The following MAML3 variants were observed in gnomAD, a reference collection of about 807,000 sequenced individuals.
The protein encoded by MAML3 is mastermind like transcriptional coactivator 3, also known as mastermind-like protein 3.
MAML3 carries 27 observed loss-of-function variants against 101.9 expected under a neutral mutation model. That is an observed-to-expected ratio of 0.27 (90% CI 0.20 to 0.37). The LOEUF (loss-of-function observed/expected upper bound fraction) is 0.37, where lower values mean the gene tolerates loss of function less well. Ranked by LOEUF, MAML3 falls within the 10% of genes least tolerant of loss-of-function variation. The pLI, the probability that MAML3 is intolerant of heterozygous loss-of-function variation, is 1.00. For missense variants in MAML3, 1,316 were observed against 1,444.9 expected (o/e 0.91, Z 1.45); for synonymous variants, 501 against 555.9 (o/e 0.90, Z 1.39).
At chr4:139,865,091 A>G (rs1731872086) in intron 2 of MAML3, among the ~76,000 whole-genome samples, 1 of 152,148 alleles carries the variant, frequency 6.6e-6, no homozygotes, top group Admixed American at 6.5e-5. Context: ...TACCAAGCAT[A>G]TTTGGGCAAA....
intron 1 of MAML3, among the ~76,000 whole-genome samples, chr4:140,075,462 G>A (rs952650764): frequency 1.3e-5 from 2 of 152,132 alleles, no homozygotes; most frequent in Admixed American, 6.5e-5. Context: ...CTCATAGAGC[G>A]TTATAAAGAA....
chr4:139,822,961 C>G lies in MAML3; in HGVS notation c.2079+66396G>C, dbSNP rs115513358. 6.1e-3 allele frequency among the ~76,000 whole-genome samples: 924 copies of G among 152,302 alleles called. 12 individuals are homozygous for G. Among genetic ancestry groups the G allele is most frequent in the African/African-American group, 0.021 (858 of 41,554 alleles). ...CAGGCAGGGGCCTGGGGGTATTTATCTTGATCCTTCCTATTCAGCTGAAAT... is the reference window on the plus strand; with the variant it reads ...CAGGCAGGGGCCTGGGGGTATTTATGTTGATCCTTCCTATTCAGCTGAAAT... On this transcript the variant is annotated intron_variant, in intron 2 of 4. Transcript: ENST00000509479.
chr4:140,024,927 G>C (rs912586902), intron 1 of MAML3, among the ~76,000 whole-genome samples: 15 of 152,066 alleles, frequency 9.9e-5, no homozygotes, highest in Non-Finnish European at 2.1e-4. Context: ...AAAATATTCT[G>C]AAAAAAATCT....
chr4:140,024,283 A>G (rs1289779637), intron 1 of MAML3, among the ~76,000 whole-genome samples: 1 of 150,732 alleles, frequency 6.6e-6, no homozygotes, highest in Non-Finnish European at 1.5e-5. Context: ...GCTGGAGTGC[A>G]GTGGTGCTAT....
intron 1 of MAML3, among the ~76,000 whole-genome samples, chr4:140,068,160 G>C (rs1481929732): frequency 6.6e-6 from 1 of 152,128 alleles, no homozygotes; most frequent in South Asian, 2.1e-4. Context: ...AGCCCACCCA[G>C]ATGCAAGGAG....
At chr4:140,039,271 C>T (rs192970654) in intron 1 of MAML3, among the ~76,000 whole-genome samples, 39 of 152,218 alleles carry the variant, frequency 2.6e-4, no homozygotes, top group Non-Finnish European at 5.1e-4. Flanking sequence ...CAGGAAGCAT[C>T]GCTGAAGCTT....
At chr4:140,133,194 A>C (rs1728825493) in intron 1 of MAML3, 1 of 387,942 alleles carries the variant, frequency 2.6e-6, no homozygotes, top group Non-Finnish European at 5.1e-6. Context: ...TTTACTTTAA[A>C]AGTCCTATTT....
At chr4:140,057,190 C>T (rs544555021) in intron 1 of MAML3, among the ~76,000 whole-genome samples, 108 of 152,270 alleles carry the variant, frequency 7.1e-4, no homozygotes, top group Non-Finnish European at 1.3e-3. Flanking sequence ...GTGGGAGGAT[C>T]GCTTGAGCTC....
chr4:140,149,552 C>A (rs1480908934), intron 1 of MAML3, among the ~76,000 whole-genome samples: 2 of 152,170 alleles, frequency 1.3e-5, no homozygotes, highest in Non-Finnish European at 2.9e-5. Flanking sequence ...CCAAGCGAGG[C>A]AGAAAGATAA....
chr4:140,126,765 C>T lies in MAML3; in HGVS notation c.468+26095G>A, dbSNP rs771031169. The stretch of plus-strand genomic sequence containing the variant: ...GACCATAAATACACCCATTAAACGT[C>T]GCATGTCCAAAACCAAACATCTTCC... On this transcript the variant is annotated intron_variant, in intron 1 of 4. Transcript: ENST00000509479. Among the ~76,000 whole-genome samples the T allele has an allele frequency of 1.3e-5, 2 of 152,194 alleles. 1 individual carries two copies. Among genetic ancestry groups the T allele is most frequent in the African/African-American group, 4.8e-5 (2 of 41,454 alleles).
At chr4:139,817,213 A>T (rs1260302773) in intron 2 of MAML3, among the ~76,000 whole-genome samples, 2 of 152,204 alleles carry the variant, frequency 1.3e-5, no homozygotes, top group Non-Finnish European at 2.9e-5. Flanking sequence ...AGGGTGTAAT[A>T]GGTAGAGTGA....
intron 1 of MAML3, among the ~76,000 whole-genome samples, chr4:140,103,894 G>A (rs969240665): frequency 2.6e-5 from 4 of 152,066 alleles, no homozygotes; most frequent in Non-Finnish European, 5.9e-5. Flanking sequence ...AGCATATTAA[G>A]ATCAAAACTG....
At chr4:139,980,484 T>C (rs780167545) in intron 1 of MAML3, among the ~76,000 whole-genome samples, 2 of 152,220 alleles carry the variant, frequency 1.3e-5, no homozygotes, top group Non-Finnish European at 2.9e-5. Flanking sequence ...CTTCTCTACA[T>C]GGAGTCCAAA....
At chr4:140,128,619 C>G (rs1220567554) in intron 1 of MAML3, among the ~76,000 whole-genome samples, 1 of 152,122 alleles carries the variant, frequency 6.6e-6, no homozygotes, top group Admixed American at 6.5e-5. Context: ...AAAGGGTGCA[C>G]CCACACAGGC....
intron 1 of MAML3, among the ~76,000 whole-genome samples, chr4:140,037,610 A>C (rs1302586349): frequency 1.3e-5 from 2 of 152,228 alleles, no homozygotes; most frequent in African/African-American, 4.8e-5. Context: ...TTGAACAAAC[A>C]AACGCACGTC....
chr4:139,754,936 C>T (rs1458975599), intron 2 of MAML3, among the ~76,000 whole-genome samples: 3 of 152,222 alleles, frequency 2.0e-5, no homozygotes, highest in African/African-American at 4.8e-5. Flanking sequence ...CAGGCATGGT[C>T]GGCCTCTGTT....
intron 3 of MAML3, chr4:139,730,198 C>G: frequency 1.7e-6 from 1 of 590,396 alleles, no homozygotes; most frequent in South Asian, 2.1e-5. Context: ...AAATTGATGG[C>G]TGGAGCCTGT....
chr4:140,064,483 T>C (rs1727497594), intron 1 of MAML3, among the ~76,000 whole-genome samples: 1 of 152,238 alleles, frequency 6.6e-6, no homozygotes, highest in African/African-American at 2.4e-5. Flanking sequence ...TGTGTAAATG[T>C]TTCTGTTGTT....
At chr4:140,129,323 C>A (rs1349539177) in intron 1 of MAML3, among the ~76,000 whole-genome samples, 1 of 152,178 alleles carries the variant, frequency 6.6e-6, no homozygotes, top group African/African-American at 2.4e-5. Context: ...TAACTTAGAA[C>A]ACAAGTTGTC....
Sources: gnomAD v4.1 joint callset for allele counts (sites outside exome capture counted in the v4.1 genomes callset) on GRCh38, gnomAD v4.1.1 for gene constraint, MANE v1.5 for transcripts, NCBI Gene and HGNC (gene_info 2026-07-23, HGNC 2026-07-21) for gene names.